MTREX: variants seen among roughly 807,000 people sequenced by gnomAD.
MTREX encodes the protein Mtr4 exosome RNA helicase, also known as exosome RNA helicase MTR4.
In MTREX, 76 loss-of-function variants were observed where a neutral mutation model predicts 135.4. The observed-to-expected ratio is 0.56, with a 90% CI of 0.47 to 0.68. The LOEUF (loss-of-function observed/expected upper bound fraction) is 0.68, where lower values mean the gene tolerates loss of function less well. MTREX is among the 30% of genes least tolerant of loss of function. The pLI is 0.00. For synonymous variants in MTREX, 404 were observed against 401.6 expected, an observed-to-expected ratio of 1.01 and a Z score of -0.07; for missense variants, 920 against 1,262.1, an observed-to-expected ratio of 0.73 and a Z score of 4.11.
At chr5:55,422,807 G>C in intron 25 of MTREX, 71 bp from the exon 26 acceptor site, 1 of 1,168,654 alleles carries the variant, frequency 8.6e-7, no homozygotes, top group Non-Finnish European at 1.2e-6. Context: ...CTCCTGCCTT[G>C]CCTCTTAACA....
Position 55,400,394 on chromosome 5 carries a change from G to A in MTREX, c.2454G>A (p.Val818=). ...ACAATGATCCAAATTTGGAAACTGT[G>A]TATACGCTTTGTGAAAAAAAAGCAC... is the stretch of plus-strand genomic sequence containing the variant. The part of the protein sequence containing the change: ...PLHNDPNLET[V]YTLCEKKAQI... The change falls in exon 21 of 27, where the codon GTG becomes GTA. Residue 818 remains valine, a synonymous_variant. Transcript: ENST00000230640. 1.3e-6 allele frequency: 2 copies of A among 1,596,422 alleles called. No homozygotes were observed. Among genetic ancestry groups the A allele is most frequent in the East Asian group, 2.2e-5 (1 of 44,584 alleles).
intron 5 of MTREX, among the ~76,000 whole-genome samples, chr5:55,337,212 C>G (rs964992294): frequency 6.6e-6 from 1 of 152,152 alleles, no homozygotes; most frequent in Admixed American, 6.5e-5. Flanking sequence ...CCTTGACTTC[C>G]CAGGCTCAAC....
intron 1 of MTREX, among the ~76,000 whole-genome samples, chr5:55,322,084 T>C (rs1023172133): frequency 2.0e-5 from 3 of 152,226 alleles, no homozygotes; most frequent in African/African-American, 7.2e-5. Flanking sequence ...TTAATAGTTA[T>C]GTTAATGTGA....
chr5:55,404,810 C>CT (rs869237969), intron 21 of MTREX, among the ~76,000 whole-genome samples: 11 of 130,900 alleles, frequency 8.4e-5, no homozygotes, highest in East Asian at 6.6e-4. Flanking sequence ...TTTTTTTTTT[C>CT]TTTTTTTTTT....
chr5:55,416,086 T>C lies in MTREX; in HGVS notation c.2925T>C (p.Thr975=), dbSNP rs1462089358. 5 of 1,592,748 alleles carry C rather than the reference T, an allele frequency of 3.1e-6. No homozygotes were observed. In the African/African-American group the frequency reaches 5.4e-5, roughly 17 times the overall value. The change falls in exon 25 of 27, where the codon ACT becomes ACC. Residue 975 remains threonine (T), a synonymous_variant. Transcript: ENST00000230640. ...TGGATGTAGTATATACCTGGGCAAC[T>C]GGAGCTACATTTGCCCATATCTGCA... ...HLMDVVYTWA[T]GATFAHICKM...
At chr5:55,405,204 T>C in intron 21 of MTREX, 1 of 390,760 alleles carries the variant, frequency 2.6e-6, no homozygotes, top group Admixed American at 4.0e-5. Flanking sequence ...TTTTAGGTAG[T>C]ATTTAATAAC....
intron 19 of MTREX, among the ~76,000 whole-genome samples, chr5:55,394,368 T>C (rs1220527513): frequency 6.6e-6 from 1 of 152,212 alleles, no homozygotes; most frequent in African/African-American, 2.4e-5. Flanking sequence ...GCTTACAGAA[T>C]GTTGTTTCTA....
Position 55,425,471 on chromosome 5 carries a change from T to TAGAG in MTREX, c.*701_*704dup. The TAGAG allele has an allele frequency of 2.6e-6, 2 of 777,736 alleles. No homozygotes were observed. The highest frequency in any genetic ancestry group is 1.9e-6 in the Non-Finnish European group (1 of 534,428). The allele number at this position is 777,736 out of a possible 1,614,324, so 48.2% of individuals were successfully genotyped here. A position where few individuals can be genotyped will look rare whatever the true frequency, so the allele number is the denominator to read the frequency against. On this transcript the variant is annotated 3_prime_UTR_variant, in exon 27 of 27. Transcript: ENST00000230640. ...TGTACAGATTAAGCATATAAAAAATTAGAGACTAACTGGGATTTTTTAAAG... is the reference window on the plus strand; with the variant it reads ...TGTACAGATTAAGCATATAAAAAATTAGAGAGAGACTAACTGGGATTTTTTAAAG...
chr5:55,331,052 C>T (rs188070825), intron 5 of MTREX, among the ~76,000 whole-genome samples: 35 of 151,732 alleles, frequency 2.3e-4, no homozygotes, highest in South Asian at 8.3e-4. Context: ...CAGTGTTTTC[C>T]GTATTTTTAC....
intron 3 of MTREX, among the ~76,000 whole-genome samples, chr5:55,326,959 GTGT>G (rs1418104544): frequency 6.6e-6 from 1 of 152,066 alleles, no homozygotes; most frequent in Non-Finnish European, 1.5e-5. Context: ...GTTTGGTTTT[GTGT>G]TGTTGTGATA....
chr5:55,387,941 G>C, intron 18 of MTREX, 33 bp from the exon 19 acceptor site: 1 of 1,547,660 alleles, frequency 6.5e-7, no homozygotes, highest in Non-Finnish European at 8.8e-7. Context: ...AGTTTCTTAA[G>C]AATGAATGAA....
At chr5:55,393,192 C>A (rs1750597785) in intron 19 of MTREX, among the ~76,000 whole-genome samples, 1 of 152,158 alleles carries the variant, frequency 6.6e-6, no homozygotes. Flanking sequence ...GTTATTCTTA[C>A]CAAAAGTCAG....
chr5:55,363,097 A>G (rs910846707), intron 15 of MTREX, among the ~76,000 whole-genome samples: 1 of 152,206 alleles, frequency 6.6e-6, no homozygotes, highest in Non-Finnish European at 1.5e-5. Context: ...AATTGAAGGA[A>G]AAATAATTTT....
intron 21 of MTREX, among the ~76,000 whole-genome samples, chr5:55,402,692 T>G (rs230785): frequency 3.3e-5 from 5 of 151,836 alleles, no homozygotes; most frequent in Admixed American, 6.6e-5. Context: ...AAGGAAAACT[T>G]TAAGTGGTTG....
chr5:55,345,281 TTC>T, intron 10 of MTREX, 85 bp downstream of exon 10: 1 of 876,808 alleles, frequency 1.1e-6, no homozygotes, highest in Non-Finnish European at 1.8e-6. Context: ...TAGTTTTTTT[TTC>T]TCAAGCTATG....
At chr5:55,378,768 CTG>C (rs1458352602) in intron 17 of MTREX, among the ~76,000 whole-genome samples, 1 of 152,094 alleles carries the variant, frequency 6.6e-6, no homozygotes, top group Admixed American at 6.5e-5. Context: ...CTAACTATAA[CTG>C]TTCATATAAC....
chr5:55,375,551 G>A (rs955777970), intron 16 of MTREX, among the ~76,000 whole-genome samples: 6 of 152,122 alleles, frequency 3.9e-5, no homozygotes, highest in Admixed American at 2.0e-4. Context: ...CTCTTATCCT[G>A]TTCTTTTTTC....
intron 25 of MTREX, among the ~76,000 whole-genome samples, chr5:55,421,387 CCA>C (rs757520464): frequency 9.2e-5 from 14 of 152,212 alleles, no homozygotes; most frequent in Non-Finnish European, 1.6e-4. Context: ...TGGGCAACAA[CCA>C]CAGTCATTGT....
chr5:55,397,666 TC>T, intron 20 of MTREX, 140 bp downstream of exon 20: 1 of 489,036 alleles, frequency 2.0e-6, no homozygotes, highest in Non-Finnish European at 3.6e-6. Context: ...CAATTATTTT[TC>T]ATAAAAATAA....
Sources: allele counts gnomAD v4.1 joint callset (sites outside exome capture counted in the v4.1 genomes callset), GRCh38; gene constraint gnomAD v4.1.1; transcripts MANE v1.5; gene names NCBI Gene and HGNC (gene_info 2026-07-23, HGNC 2026-07-21).